Variants in SNTB2 observed in about 807,000 individuals in gnomAD.
The protein encoded by SNTB2 is syntrophin beta 2, also known as beta-2-syntrophin.
A neutral mutation model predicts 46.2 loss-of-function variants in SNTB2; 34 were observed. The observed-to-expected ratio is 0.74, with a 90% CI of 0.56 to 0.98. The LOEUF (loss-of-function observed/expected upper bound fraction) is 0.98. Among genes scored for constraint, SNTB2 ranks in the 50% least tolerant of loss-of-function variants. The pLI, the probability that SNTB2 is intolerant of heterozygous loss-of-function variation, is 0.00. For synonymous variants in SNTB2, 290 were observed against 312.6 expected, an observed-to-expected ratio of 0.93 and a Z score of 0.76; for missense variants, 603 against 731.4, an observed-to-expected ratio of 0.82 and a Z score of 2.02.
At chr16:69,200,411 G>T (rs1964150470) in intron 1 of SNTB2, among the ~76,000 whole-genome samples, 1 of 152,152 alleles carries the variant, frequency 6.6e-6, no homozygotes, top group Non-Finnish European at 1.5e-5. Flanking sequence ...CACTAGAAGG[G>T]TGGAATACAC....
chr16:69,252,562 G>A (rs1567407563), intron 2 of SNTB2, among the ~76,000 whole-genome samples: 1 of 152,170 alleles, frequency 6.6e-6, no homozygotes, highest in Non-Finnish European at 1.5e-5. Context: ...GGTAAATTTT[G>A]CCTTTATAAT....
intron 1 of SNTB2, among the ~76,000 whole-genome samples, chr16:69,203,174 C>CGG (rs1964181374): frequency 6.6e-6 from 1 of 151,956 alleles, no homozygotes; most frequent in Non-Finnish European, 1.5e-5. Context: ...CCCACCACCA[C>CGG]GCCTGGCTAA....
intron 1 of SNTB2, among the ~76,000 whole-genome samples, chr16:69,216,577 C>T (rs763085190): frequency 2.6e-5 from 4 of 151,428 alleles, no homozygotes; most frequent in Non-Finnish European, 5.9e-5. Flanking sequence ...TTCAGCTACT[C>T]AGGAGGCTGA....
chr16:69,257,913 A>G (rs1964794791), intron 2 of SNTB2, among the ~76,000 whole-genome samples: 1 of 152,236 alleles, frequency 6.6e-6, no homozygotes, highest in Admixed American at 6.5e-5. Context: ...GCCTAGCACA[A>G]TATTTGGCAT....
At chr16:69,299,905 AT>A in intron 6 of SNTB2, 131 bp downstream of exon 6, 2 of 1,009,586 alleles carry the variant, frequency 2.0e-6, no homozygotes, top group Non-Finnish European at 2.8e-6. Context: ...ATTAAAAAAA[AT>A]TTTTTTAAAG....
chr16:69,284,020 T>G, intron 4 of SNTB2, 28 bp from the exon 5 acceptor site: 1 of 1,553,314 alleles, frequency 6.4e-7, no homozygotes, highest in South Asian at 1.2e-5. Context: ...GTAGTTACTT[T>G]TGATCTCTGC....
chr16:69,253,505 C>T (rs907148291), intron 2 of SNTB2, among the ~76,000 whole-genome samples: 1 of 151,582 alleles, frequency 6.6e-6, no homozygotes, highest in Non-Finnish European at 1.5e-5. Context: ...AAAAATTAGC[C>T]GGGCGTGGTG....
At chr16:69,283,567 CTGAAATGTT>C (rs768398086) in intron 4 of SNTB2, among the ~76,000 whole-genome samples, 41 of 152,288 alleles carry the variant, frequency 2.7e-4, no homozygotes, top group South Asian at 6.2e-4. Context: ...AGCTCTTTGG[CTGAAATGTT>C]TGAAATGCAG....
chr16:69,291,105 A>G (rs1965155326), intron 5 of SNTB2, among the ~76,000 whole-genome samples: 1 of 152,256 alleles, frequency 6.6e-6, no homozygotes, highest in Non-Finnish European at 1.5e-5. Context: ...CCTGGGCATG[A>G]TGAACCTGTT....
At chr16:69,207,343 A>T (rs780793059) in intron 1 of SNTB2, among the ~76,000 whole-genome samples, 1 of 150,986 alleles carries the variant, frequency 6.6e-6, no homozygotes, top group Non-Finnish European at 1.5e-5. Context: ...TTCGGTAGAG[A>T]TGGCGTTTCA....
intron 5 of SNTB2, among the ~76,000 whole-genome samples, chr16:69,284,634 C>T (rs184535062): frequency 1.3e-5 from 2 of 152,026 alleles, no homozygotes; most frequent in East Asian, 1.9e-4. Context: ...ATTAGCCAGG[C>T]GTGGCAGCAT....
intron 1 of SNTB2, among the ~76,000 whole-genome samples, chr16:69,242,233 C>G (rs536297306): frequency 6.6e-6 from 1 of 152,082 alleles, no homozygotes; most frequent in South Asian, 2.1e-4. Flanking sequence ...TGAGATCAGC[C>G]TGGGCAAAAT....
At chr16:69,218,414 C>G (rs1453754772) in intron 1 of SNTB2, among the ~76,000 whole-genome samples, 1 of 150,496 alleles carries the variant, frequency 6.6e-6, no homozygotes, top group Non-Finnish European at 1.5e-5. Flanking sequence ...ATTTTCTTTT[C>G]TTCTTCTTCT....
chr16:69,218,730 C>T (rs1964372690), intron 1 of SNTB2, among the ~76,000 whole-genome samples: 1 of 152,156 alleles, frequency 6.6e-6, no homozygotes, highest in Admixed American at 6.6e-5. Context: ...CTGTTACAAA[C>T]AATTTTTTAA....
Position 69,292,753 on chromosome 16 carries a change from G to A in SNTB2, c.1346-6837G>A, listed in dbSNP as rs575383022. Among the ~76,000 whole-genome samples, 436 of 151,528 alleles carry A rather than the reference G, an allele frequency of 2.9e-3. 3 individuals carry two copies. The highest frequency in any genetic ancestry group is 9.8e-3 in the African/African-American group (403 of 41,310). ...CAGGCATGAGCCACCACGCCCGGCC[G>A]AGTGTTCACCTTCTTATAACATCAA... is the stretch of plus-strand genomic sequence containing the variant. On this transcript the variant is annotated intron_variant, in intron 5 of 6. Transcript: ENST00000336278.
chr16:69,254,876 T>A (rs1352991514), intron 2 of SNTB2, among the ~76,000 whole-genome samples: 3 of 152,054 alleles, frequency 2.0e-5, no homozygotes, highest in Non-Finnish European at 4.4e-5. Flanking sequence ...CCCAGTTAAC[T>A]GGGAGGCTGA....
chr16:69,238,579 T>G (rs1052843179), intron 1 of SNTB2, among the ~76,000 whole-genome samples: 1 of 152,226 alleles, frequency 6.6e-6, no homozygotes, highest in South Asian at 2.1e-4. Flanking sequence ...TTTCCTGAAC[T>G]GCAGACTTAT....
chr16:69,265,185 C>G (rs986109044), intron 3 of SNTB2, among the ~76,000 whole-genome samples: 1 of 151,930 alleles, frequency 6.6e-6, no homozygotes, highest in African/African-American at 2.4e-5. Context: ...GGAGGCGGAG[C>G]TTGCAGTGAG....
intron 4 of SNTB2, among the ~76,000 whole-genome samples, chr16:69,280,059 G>A (rs1965024947): frequency 6.6e-6 from 1 of 152,096 alleles, no homozygotes; most frequent in Admixed American, 6.5e-5. Context: ...GAGTGGTGAT[G>A]ACTCTTAACG....
Sources: allele counts gnomAD v4.1 joint callset (sites outside exome capture counted in the v4.1 genomes callset), GRCh38; gene constraint gnomAD v4.1.1; transcripts MANE v1.5; gene names NCBI Gene and HGNC (gene_info 2026-07-23, HGNC 2026-07-21).